HHLA2: variants seen among roughly 807,000 people sequenced by gnomAD.
HHLA2 encodes the protein HERV-H LTR-associating protein 2.
HHLA2 carries 48 observed loss-of-function variants against 45.9 expected under a neutral mutation model. The observed-to-expected ratio is 1.05, with a 90% CI of 0.83 to 1.33. The LOEUF (loss-of-function observed/expected upper bound fraction) is 1.33. Ranked by LOEUF, HHLA2 falls within the 40% of genes most tolerant of loss-of-function variation. The pLI is 0.00. For missense variants in HHLA2, 462 were observed against 494.3 expected, an observed-to-expected ratio of 0.93 and a Z score of 0.62; for synonymous variants, 161 against 173.9, an observed-to-expected ratio of 0.93 and a Z score of 0.59.
At chr3:108,331,346 T>C (rs1316410974) in intron 3 of HHLA2, among the ~76,000 whole-genome samples, 1 of 152,192 alleles carries the variant, frequency 6.6e-6, no homozygotes, top group Non-Finnish European at 1.5e-5. Context: ...GTGTGAGCAT[T>C]TGTTTGCCTC....
At chr3:108,358,871 T>C (rs1043900315) in intron 7 of HHLA2, among the ~76,000 whole-genome samples, 3 of 152,226 alleles carry the variant, frequency 2.0e-5, no homozygotes, top group African/African-American at 7.2e-5. Flanking sequence ...TTCTATCATT[T>C]CAATTGTGAA....
chr3:108,346,315 T>C (rs1239866739), intron 3 of HHLA2, among the ~76,000 whole-genome samples: 2 of 152,196 alleles, frequency 1.3e-5, no homozygotes, highest in African/African-American at 4.8e-5. Flanking sequence ...AATTGTTCTT[T>C]TGTTCTTTTT....
intron 1 of HHLA2, among the ~76,000 whole-genome samples, chr3:108,307,657 G>A (rs1264396377): frequency 6.6e-6 from 1 of 151,380 alleles, no homozygotes; most frequent in Admixed American, 6.6e-5. Context: ...AAGAGTTCTT[G>A]TTAACTTTTG....
intron 2 of HHLA2, among the ~76,000 whole-genome samples, chr3:108,317,163 A>G (rs77857855): frequency 0.037 from 5,666 of 152,294 alleles, 188 homozygotes; most frequent in South Asian, 0.092. Context: ...TTTTGTCTTT[A>G]TAGAAAGACA....
chr3:108,356,382 T>G (rs1223880491), intron 6 of HHLA2, among the ~76,000 whole-genome samples: 1 of 152,094 alleles, frequency 6.6e-6, no homozygotes, highest in Non-Finnish European at 1.5e-5. Context: ...GTCTCCCTTA[T>G]AGGGGGAAAA....
intron 3 of HHLA2, among the ~76,000 whole-genome samples, chr3:108,336,963 C>G (rs1048778270): frequency 7.0e-6 from 1 of 143,546 alleles, no homozygotes; most frequent in Non-Finnish European, 1.5e-5. Context: ...AATATTTTCT[C>G]TCCATATTTT....
chr3:108,311,866 AT>A (rs1049301506), intron 2 of HHLA2: 1 of 152,212 alleles, frequency 6.6e-6, no homozygotes, highest in Non-Finnish European at 1.5e-5. Context: ...TATGAACAGA[AT>A]TGTGCAGATG....
intron 3 of HHLA2, among the ~76,000 whole-genome samples, chr3:108,339,038 TTAA>T: frequency 6.6e-6 from 1 of 152,248 alleles, no homozygotes; most frequent in African/African-American, 2.4e-5. Context: ...GAGGCTACTG[TTAA>T]TAATTAATGG....
chr3:108,318,370 C>T (rs1310574114), intron 2 of HHLA2, among the ~76,000 whole-genome samples: 1 of 152,136 alleles, frequency 6.6e-6, no homozygotes, highest in African/African-American at 2.4e-5. Context: ...AAAAATTCCA[C>T]TTTGACAAAC....
At position 108,312,502 on chromosome 3, in the gene HHLA2, G is replaced by T. The variant is rs574357348; in HGVS notation, c.-105+1761G>T. ...TGAGTGCTGGCTGCTAATGGCCTTT[G>T]TATACACTCTTCCAGAGATTTACCT... On this transcript the variant is annotated intron_variant, in intron 2 of 10. Coordinates refer to ENST00000619531, the Ensembl canonical transcript of HHLA2. Among the ~76,000 whole-genome samples, 23 of 6,696 alleles carry T rather than the reference G, an allele frequency of 3.4e-3. No individual in the cohort carries two copies. The East Asian group carries it at 0.48, about 139-fold the overall frequency. 4.4% of individuals were successfully genotyped at this position (6,696 alleles called of 152,430 possible).
At chr3:108,341,370 G>T (rs1012325005) in intron 3 of HHLA2, among the ~76,000 whole-genome samples, 2 of 152,026 alleles carry the variant, frequency 1.3e-5, no homozygotes, top group Non-Finnish European at 2.9e-5. Flanking sequence ...AGTTAATGTG[G>T]TTTTTCTGTC....
chr3:108,344,524 T>C (rs1276921579), intron 3 of HHLA2, among the ~76,000 whole-genome samples: 1 of 152,238 alleles, frequency 6.6e-6, no homozygotes, highest in East Asian at 1.9e-4. Flanking sequence ...TGTTAAATTA[T>C]TTGATGATAA....
exon 11 of HHLA2, chr3:108,377,956 GA>G (rs2082303348): frequency 6.6e-6 from 1 of 152,160 alleles, no homozygotes; most frequent in South Asian, 2.1e-4. Flanking sequence ...ATCCACAAAA[GA>G]AGTAAAAATA....
At chr3:108,358,821 A>AAAG (rs1363051942) in intron 7 of HHLA2, among the ~76,000 whole-genome samples, 3 of 152,192 alleles carry the variant, frequency 2.0e-5, no homozygotes, top group Admixed American at 1.3e-4. Context: ...GTCCTTCAAT[A>AAAG]AAGGTATTTG....
chr3:108,323,369 A>G (rs2081237062), intron 2 of HHLA2, among the ~76,000 whole-genome samples: 1 of 152,160 alleles, frequency 6.6e-6, no homozygotes, highest in Non-Finnish European at 1.5e-5. Flanking sequence ...CTGTATCAAA[A>G]CTTCTCATGT....
intron 6 of HHLA2, 74 bp downstream of exon 5, chr3:108,355,455 A>C: frequency 6.7e-7 from 1 of 1,485,208 alleles, no homozygotes; most frequent in South Asian, 1.3e-5. Context: ...ATTTGCAAAA[A>C]AAGAAAGGAA....
chr3:108,369,325 CG>C (rs1387015122), intron 8 of HHLA2, among the ~76,000 whole-genome samples: 2 of 151,898 alleles, frequency 1.3e-5, no homozygotes, highest in Admixed American at 1.3e-4. Flanking sequence ...TAGAGATTCA[CG>C]GGGGGAGGAG....
chr3:108,297,586 A>T (rs9867495), intron 1 of HHLA2, among the ~76,000 whole-genome samples: 79,333 of 152,108 alleles, frequency 0.52, 21,494 homozygotes, highest in Middle Eastern at 0.64. Context: ...TGGTATGTAG[A>T]AAGTGTTTAA....
chr3:108,366,210 G>A (rs151096748), intron 8 of HHLA2, among the ~76,000 whole-genome samples: 45 of 152,240 alleles, frequency 3.0e-4, no homozygotes, highest in African/African-American at 1.1e-3. Flanking sequence ...TTTGATTGAA[G>A]GCCTTTTCTG....
Sources: allele counts gnomAD v4.1 joint callset (sites outside exome capture counted in the v4.1 genomes callset), GRCh38; gene constraint gnomAD v4.1.1; transcripts MANE v1.5; gene names NCBI Gene and HGNC (gene_info 2026-07-23, HGNC 2026-07-21).